PLEKHD1: variants seen among roughly 807,000 people sequenced by gnomAD.
PLEKHD1 encodes the protein pleckstrin homology domain-containing family D member 1.
A neutral mutation model predicts 69.2 loss-of-function variants in PLEKHD1; 51 were observed. That is an observed-to-expected ratio of 0.74 (90% confidence interval 0.59 to 0.93). The LOEUF is 0.93. PLEKHD1 is among the 40% of genes least tolerant of loss of function. The probability of loss-of-function intolerance (pLI) is 0.00; values close to 1 mark genes in which losing one functional copy is unlikely to be tolerated. For synonymous variants in PLEKHD1, 236 were observed against 244.7 expected (o/e 0.96, Z 0.33); for missense variants, 584 against 641.0 (o/e 0.91, Z 0.96).
At chr14:69,499,707 C>A (rs17836248) in intron 1 of PLEKHD1, among the ~76,000 whole-genome samples, 23,114 of 152,234 alleles carry the variant, frequency 0.15, 1,955 homozygotes, top group South Asian at 0.26. Context: ...GCCAAAGACC[C>A]ATCTTAGCAT....
intron 1 of PLEKHD1, among the ~76,000 whole-genome samples, chr14:69,493,164 C>G (rs1882814868): frequency 6.6e-6 from 1 of 152,212 alleles, no homozygotes. Flanking sequence ...AGCTCCAGGG[C>G]CCAGCATAGT....
At chr14:69,524,004 A>T (rs993230441) in intron 7 of PLEKHD1, among the ~76,000 whole-genome samples, 2 of 152,142 alleles carry the variant, frequency 1.3e-5, no homozygotes, top group African/African-American at 4.8e-5. Flanking sequence ...TGACAGATGC[A>T]TGTGTACCTG....
At chr14:69,469,888 A>T in the PLEKHD1 span, among the ~76,000 whole-genome samples, 1 of 151,646 alleles carries the variant, frequency 6.6e-6, no homozygotes, top group Non-Finnish European at 1.5e-5. Flanking sequence ...TGCCTGGCTA[A>T]TTTTTGTATT....
chr14:69,484,989 G>C lies in PLEKHD1; in HGVS notation c.24G>C (p.Ser8=), dbSNP rs1272627785. 5.8e-6 allele frequency: 9 copies of C among 1,551,078 alleles called. No homozygotes were observed. In the African/African-American group the frequency reaches 1.2e-4, roughly 21 times the overall value. MFTSKSN[S]VSPSPSLEQA... ...GGATGTTCACGTCCAAGTCCAACTC[G>C]GTGTCGCCCTCGCCGTCCCTGGAGC... The change falls in exon 1 of 13, where the codon TCG becomes TCC. Residue 8 remains serine, a synonymous_variant. Transcript: ENST00000322564.
At chr14:69,500,304 G>A (rs1414866429) in intron 2 of PLEKHD1, 96 bp downstream of exon 2, 2 of 1,073,420 alleles carry the variant, frequency 1.9e-6, no homozygotes, top group South Asian at 3.0e-5. Flanking sequence ...CTCTTGCTCT[G>A]GCCTAGCAGA....
chr14:69,508,131 G>A (rs1284531681), intron 6 of PLEKHD1, among the ~76,000 whole-genome samples: 3 of 152,000 alleles, frequency 2.0e-5, no homozygotes, highest in East Asian at 1.9e-4. Context: ...TTTTTAGGCC[G>A]GGCGTGGTGG....
At position 69,528,440 on chromosome 14, in the gene PLEKHD1, C is replaced by T; in HGVS notation, c.*21C>T. 2 of 1,547,622 alleles carry T rather than the reference C, an allele frequency of 1.3e-6. No individual in the cohort carries two copies. The highest frequency in any genetic ancestry group is 1.7e-6 in the Non-Finnish European group (2 of 1,146,086). On this transcript the variant is annotated 3_prime_UTR_variant, in exon 13 of 13. Transcript: ENST00000322564. ...AGTGATGGGCGCTCCTCCCCTGCTTCCCAAGTCTCCCCTGGATGGGCGGGG... is the reference window on the plus strand; with the variant it reads ...AGTGATGGGCGCTCCTCCCCTGCTTTCCAAGTCTCCCCTGGATGGGCGGGG...
upstream of PLEKHD1, among the ~76,000 whole-genome samples, chr14:69,483,027 G>T (rs576678324): frequency 3.9e-5 from 6 of 152,204 alleles, no homozygotes; most frequent in African/African-American, 1.4e-4. Flanking sequence ...TACAGAAAAT[G>T]TCCACTTTGT....
intron 1 of PLEKHD1, among the ~76,000 whole-genome samples, chr14:69,493,057 A>G (rs1882812488): frequency 6.6e-6 from 1 of 152,188 alleles, no homozygotes; most frequent in African/African-American, 2.4e-5. Context: ...GTGAGCCACC[A>G]CACCCGGCCA....
chr14:69,531,306 A>T lies in PLEKHD1; in HGVS notation c.*2887A>T, dbSNP rs1224357561. 6.6e-6 allele frequency: 1 copy of T among 152,070 alleles called. No individual in the cohort carries two copies. Among genetic ancestry groups the T allele is most frequent in the Non-Finnish European group, 1.5e-5 (1 of 68,010 alleles). 9.4% of individuals were successfully genotyped at this position (152,070 alleles called of 1,614,324 possible). A position where few individuals can be genotyped will look rare whatever the true frequency, so the allele number is the denominator to read the frequency against. ...CCAATCGATACTTCCTCCTATTCTC[A>T]CCCTGTATTTTCCATGCCTCAGGCA... On this transcript the variant is annotated 3_prime_UTR_variant, in exon 13 of 13. Coordinates refer to ENST00000322564, the MANE Select transcript of PLEKHD1 (RefSeq NM_001161498.2).
At chr14:69,491,376 G>A (rs972905371) in intron 1 of PLEKHD1, among the ~76,000 whole-genome samples, 2 of 152,098 alleles carry the variant, frequency 1.3e-5, no homozygotes, top group South Asian at 2.1e-4. Context: ...ACCCCACCTC[G>A]CTGTCACCAG....
At chr14:69,480,450 G>A (rs1406592241), upstream of PLEKHD1, among the ~76,000 whole-genome samples, 2 of 152,220 alleles carry the variant, frequency 1.3e-5, no homozygotes, top group Admixed American at 6.5e-5. Context: ...GCCTGAGGGT[G>A]GGGTCAGGGA....
Position 69,498,047 on chromosome 14 carries a change from AT to A in PLEKHD1, c.150-2064del, listed in dbSNP as rs1453993927. 3.1e-5 allele frequency among the ~76,000 whole-genome samples: 4 copies of A among 127,654 alleles called. No homozygotes were observed. The East Asian group carries it at 6.4e-4, about 20-fold the overall frequency. 83.7% of individuals were successfully genotyped at this position (127,654 alleles called of 152,430 possible). On this transcript the variant is annotated intron_variant, in intron 1 of 12. Coordinates refer to ENST00000322564, the MANE Select transcript of PLEKHD1 (RefSeq NM_001161498.2). ...ATTTTATTTTGTTTTATTTTATTTT[AT>A]TTTATTTTATTTATTTTATTTTATT...
chr14:69,489,298 C>G (rs1314946832), intron 1 of PLEKHD1, among the ~76,000 whole-genome samples: 1 of 152,142 alleles, frequency 6.6e-6, no homozygotes, highest in African/African-American at 2.4e-5. Context: ...GGTGTGGTGG[C>G]TGGTAATTCC....
upstream of PLEKHD1, among the ~76,000 whole-genome samples, chr14:69,484,272 C>T (rs1882602484): frequency 6.6e-6 from 1 of 152,250 alleles, no homozygotes; most frequent in Admixed American, 6.5e-5. Flanking sequence ...AGCCAGACCG[C>T]CGCAGTTCAC....
At chr14:69,481,055 A>G (rs1290491477), upstream of PLEKHD1, among the ~76,000 whole-genome samples, 1 of 152,260 alleles carries the variant, frequency 6.6e-6, no homozygotes, top group African/African-American at 2.4e-5. Context: ...TTTTATGGAA[A>G]AGTGGGGACT....
chr14:69,516,187 GA>G (rs1341567938), intron 6 of PLEKHD1, among the ~76,000 whole-genome samples: 1 of 152,182 alleles, frequency 6.6e-6, no homozygotes, highest in Non-Finnish European at 1.5e-5. Context: ...TGCTGAACTG[GA>G]AACTGAAGTT....
At chr14:69,509,012 C>T (rs1883212978) in intron 6 of PLEKHD1, among the ~76,000 whole-genome samples, 1 of 152,218 alleles carries the variant, frequency 6.6e-6, no homozygotes, top group African/African-American at 2.4e-5. Flanking sequence ...GAGTTGGTCA[C>T]AATCCCTTTG....
chr14:69,505,131 T>A (rs1320033772), intron 6 of PLEKHD1, among the ~76,000 whole-genome samples: 1 of 152,180 alleles, frequency 6.6e-6, no homozygotes, highest in Non-Finnish European at 1.5e-5. Flanking sequence ...GGGAGGCCTG[T>A]CAGCTGTGAA....
Sources: allele counts gnomAD v4.1 joint callset (sites outside exome capture counted in the v4.1 genomes callset), GRCh38; gene constraint gnomAD v4.1.1; transcripts MANE v1.5; gene names NCBI Gene and HGNC (gene_info 2026-07-23, HGNC 2026-07-21).